The following LIN52 variants were observed in gnomAD, a reference collection of about 807,000 sequenced individuals.
The protein encoded by LIN52 is protein lin-52 homolog.
A neutral mutation model predicts 18.5 loss-of-function variants in LIN52; 4 were observed. That is an observed-to-expected ratio of 0.22 (90% CI 0.11 to 0.49). The LOEUF is 0.49. Among genes scored for constraint, LIN52 ranks in the 20% least tolerant of loss-of-function variants. The pLI, the probability that LIN52 is intolerant of heterozygous loss-of-function variation, is 0.97. For missense variants in LIN52, 102 were observed against 139.5 expected, an observed-to-expected ratio of 0.73 and a Z score of 1.35; for synonymous variants, 34 against 45.5, an observed-to-expected ratio of 0.75 and a Z score of 1.02.
intron 5 of LIN52, chr14:74,174,342 T>C (rs2061283211): frequency 6.6e-6 from 1 of 152,164 alleles, no homozygotes; most frequent in African/African-American, 2.4e-5. Context: ...CTATTACTCA[T>C]AGGCCACAAA....
chr14:74,179,786 T>C (rs1337405022), intron 5 of LIN52, among the ~76,000 whole-genome samples: 2 of 152,216 alleles, frequency 1.3e-5, no homozygotes, highest in African/African-American at 2.4e-5. Context: ...GTATGCTTTA[T>C]GATTATAATT....
chr14:74,130,278 G>GTTTTTTTTTTTGTTTT (rs2061055285), intron 5 of LIN52, among the ~76,000 whole-genome samples: 1 of 64,842 alleles, frequency 1.5e-5, no homozygotes, highest in Non-Finnish European at 2.8e-5. Flanking sequence ...GCATTTTTTG[G>GTTTTTTTTTTTGTTTT]TTTTTTTTTT....
At chr14:74,101,931 C>T (rs1360422915) in intron 5 of LIN52, among the ~76,000 whole-genome samples, 2 of 152,090 alleles carry the variant, frequency 1.3e-5, no homozygotes, top group Non-Finnish European at 2.9e-5. Flanking sequence ...TACCACCGTG[C>T]CTGGGTAATT....
chr14:74,147,429 T>C (rs1208653224), intron 5 of LIN52, among the ~76,000 whole-genome samples: 1 of 152,182 alleles, frequency 6.6e-6, no homozygotes, highest in East Asian at 1.9e-4. Flanking sequence ...TTCTTAGATA[T>C]GATACCAAAA....
chr14:74,174,017 AATG>A (rs1225794701), intron 5 of LIN52, among the ~76,000 whole-genome samples: 1 of 152,178 alleles, frequency 6.6e-6, no homozygotes, highest in Admixed American at 6.5e-5. Flanking sequence ...CCTCTTTGTG[AATG>A]AAGTCTTTCT....
intron 5 of LIN52, among the ~76,000 whole-genome samples, chr14:74,180,230 G>A (rs1427130725): frequency 6.6e-6 from 1 of 151,112 alleles, no homozygotes; most frequent in African/African-American, 2.4e-5. Flanking sequence ...CTCTTGGTGA[G>A]CAAACTTAAG....
chr14:74,130,278 G>GTGTTTTTTTTTTTTTTTTTTTTT (rs1566856480), intron 5 of LIN52, among the ~76,000 whole-genome samples: 30 of 64,844 alleles, frequency 4.6e-4, no homozygotes, highest in Non-Finnish European at 6.7e-4. Context: ...GCATTTTTTG[G>GTGTTTTTTTTTTTTTTTTTTTTT]TTTTTTTTTT....
At chr14:74,166,798 T>G (rs1231921837) in intron 5 of LIN52, among the ~76,000 whole-genome samples, 1 of 152,242 alleles carries the variant, frequency 6.6e-6, no homozygotes, top group Non-Finnish European at 1.5e-5. Context: ...AATAAAATTC[T>G]ATGCCAATTT....
intron 5 of LIN52, among the ~76,000 whole-genome samples, chr14:74,161,578 A>G (rs1259387144): frequency 6.6e-6 from 1 of 152,264 alleles, no homozygotes; most frequent in African/African-American, 2.4e-5. Context: ...GTACAGAGGT[A>G]GCAGAAAGCT....
intron 3 of LIN52, among the ~76,000 whole-genome samples, chr14:74,097,253 A>G (rs905880663): frequency 2.6e-5 from 4 of 152,124 alleles, no homozygotes; most frequent in Admixed American, 2.0e-4. Context: ...GGTCATACCT[A>G]TTCTTCCACA....
chr14:74,177,809 GC>G, intron 5 of LIN52, among the ~76,000 whole-genome samples: 1 of 152,018 alleles, frequency 6.6e-6, no homozygotes, highest in East Asian at 1.9e-4. Flanking sequence ...ATGGAGTCTC[GC>G]TCTGTCGCCC....
chr14:74,111,414 G>A (rs4303422), intron 5 of LIN52, among the ~76,000 whole-genome samples: 967 of 150,998 alleles, frequency 6.4e-3, no homozygotes, highest in African/African-American at 0.022. Flanking sequence ...CCAGCCTCTC[G>A]AGTAGCTGGA....
At chr14:74,085,227 G>A (rs1298987838) in intron 1 of LIN52, 1 of 388,426 alleles carries the variant, frequency 2.6e-6, no homozygotes, top group East Asian at 3.7e-5. Context: ...GCACTAGGGA[G>A]GGACTCATTC....
chr14:74,095,782 C>G (rs2060807488), intron 2 of LIN52, 166 bp from the exon 3 acceptor site: 1 of 477,498 alleles, frequency 2.1e-6, no homozygotes, highest in African/African-American at 2.0e-5. Context: ...TGCCATAGTC[C>G]TGGCATCTTT....
intron 5 of LIN52, among the ~76,000 whole-genome samples, chr14:74,135,150 C>T (rs138252880): frequency 3.4e-3 from 524 of 152,230 alleles, no homozygotes; most frequent in Non-Finnish European, 4.7e-3. Context: ...CTACGATCTC[C>T]GCTTCCCGGG....
At chr14:74,099,766 T>G (rs2060841339) in intron 4 of LIN52, among the ~76,000 whole-genome samples, 2 of 152,086 alleles carry the variant, frequency 1.3e-5, no homozygotes, top group African/African-American at 4.8e-5. Flanking sequence ...GTCAAAGCTG[T>G]CCTCTTGCAC....
intron 5 of LIN52, among the ~76,000 whole-genome samples, chr14:74,111,652 T>A (rs1196674085): frequency 7.7e-6 from 1 of 129,098 alleles, no homozygotes; most frequent in Non-Finnish European, 1.7e-5. Flanking sequence ...TTATTTATTT[T>A]TGTGGGCTGA....
chr14:74,110,305 G>A (rs2060918763), intron 5 of LIN52, among the ~76,000 whole-genome samples: 1 of 152,102 alleles, frequency 6.6e-6, no homozygotes, highest in Admixed American at 6.6e-5. Flanking sequence ...GGGGATGATT[G>A]CTTGAAGCCA....
At chr14:74,154,003 C>T (rs767122848) in intron 5 of LIN52, among the ~76,000 whole-genome samples, 2 of 152,052 alleles carry the variant, frequency 1.3e-5, no homozygotes, top group East Asian at 1.9e-4. Context: ...TAAGAAGGAG[C>T]GTTCCCATAT....
Sources: gnomAD v4.1 joint callset for allele counts (sites outside exome capture counted in the v4.1 genomes callset) on GRCh38, gnomAD v4.1.1 for gene constraint, MANE v1.5 for transcripts, NCBI Gene and HGNC (gene_info 2026-07-23, HGNC 2026-07-21) for gene names.